Variants in ECE2 observed in about 807,000 individuals in gnomAD.
ECE2 encodes the protein endothelin converting enzyme 2, also known as endothelin-converting enzyme 2.
A neutral mutation model predicts 100.6 loss-of-function variants in ECE2; 81 were observed. The observed-to-expected ratio is 0.81, with a 90% CI of 0.67 to 0.97. The LOEUF is 0.97. Among genes scored for constraint, ECE2 ranks in the 50% least tolerant of loss-of-function variants. The pLI, the probability that ECE2 is intolerant of heterozygous loss-of-function variation, is 0.00. For synonymous variants in ECE2, 391 were observed against 391.5 expected (o/e 1.00, Z 0.02); for missense variants, 911 against 988.1 (o/e 0.92, Z 1.05).
At chr3:184,277,857 C>A in intron 4 of ECE2, 68 bp from the exon 5 acceptor site, 1 of 1,579,456 alleles carries the variant, frequency 6.3e-7, no homozygotes, top group South Asian at 1.2e-5. Flanking sequence ...AGAAACCGAG[C>A]AAGGGCCAGG....
At position 184,278,030 on chromosome 3, in the gene ECE2, T is replaced by C. The variant is rs1343941168; in HGVS notation, c.584T>C (p.Leu195Pro). The C allele has an allele frequency of 1.2e-6, 2 of 1,613,906 alleles. No homozygotes were observed. The highest frequency in any genetic ancestry group is 3.3e-5 in the Admixed American group (2 of 59,988). ...ATTGAGGAGCTGGGAGCCCAGCCAC[T>C]GAGAGACCTCATTGAGAAGGTAGGG... ...ERIEELGAQP[L>P]RDLIEKIGGW... Residue 195 changes from leucine (L) to proline (P), a missense_variant, in exon 5 of 19, where the codon CTG becomes CCG. Physicochemically the swap from Leu to Pro is moderately conservative, Grantham distance 98 (BLOSUM62 -3). Transcript: ENST00000404464.
rs945119791 is a variant in ECE2 at position 184,291,725 on chromosome 3, C to T, written c.2121+286C>T. The T allele has an allele frequency of 4.0e-5, 17 of 421,854 alleles. No individual in the cohort carries two copies. The highest frequency in any genetic ancestry group is 1.1e-4 in the African/African-American group (4 of 35,498). 26.1% of individuals were successfully genotyped at this position (421,854 alleles called of 1,614,324 possible). A position where few individuals can be genotyped will look rare whatever the true frequency, so the allele number is the denominator to read the frequency against. Reference sequence around the variant, plus strand: ...GGCACAGGGTGGCGAAGGGGGCAAACGTTCATCCTCACGCTGTTCCTGTGA... The same window carrying T: ...GGCACAGGGTGGCGAAGGGGGCAAATGTTCATCCTCACGCTGTTCCTGTGA... On this transcript the variant is annotated intron_variant, in intron 18 of 18. Transcript: ENST00000404464. The surrounding 1 kb of genome is among the most constrained non-coding windows in gnomAD (Gnocchi z 4.1).
chr3:184,276,029 A>C lies in ECE2; in HGVS notation c.-125A>C, dbSNP rs1720526041. 4.2e-5 allele frequency: 41 copies of C among 984,258 alleles called. No individual in the cohort carries two copies. Among genetic ancestry groups the C allele is most frequent in the Middle Eastern group, 4.4e-4 (1 of 2,256 alleles). 61.0% of individuals were successfully genotyped at this position (984,258 alleles called of 1,614,324 possible). A position where few individuals can be genotyped will look rare whatever the true frequency, so the allele number is the denominator to read the frequency against. ...GCGGGGGGGGGGGCGGCCGCGGCCG[A>C]GCGGGGGTGCTGCGCGGCGGCCGTG... On this transcript the variant is annotated 5_prime_UTR_variant, in exon 1 of 19. Transcript: ENST00000404464.
chr3:184,283,517 G>A (rs186919630), intron 7 of ECE2, among the ~76,000 whole-genome samples: 45 of 125,684 alleles, frequency 3.6e-4, no homozygotes, highest in African/African-American at 1.2e-3. Flanking sequence ...AGCCAAGATC[G>A]CGCCACTGCA....
At chr3:184,279,628 G>A (rs1005221185) in intron 7 of ECE2, among the ~76,000 whole-genome samples, 11 of 147,086 alleles carry the variant, frequency 7.5e-5, no homozygotes, top group African/African-American at 1.8e-4. Flanking sequence ...CTGCACTCCA[G>A]CCTGGGCAAC....
Position 184,276,179 on chromosome 3 carries a change from G to GAGCTGGC in ECE2, c.30_36dup (p.Asn13TrpfsTer15). ...ATGAACGTCGCGCTGCAGGAGCTGG[G>GAGCTGGC]AGCTGGCAGCAACGTGAGTGGGGGC... is the stretch of plus-strand genomic sequence containing the variant. On this transcript the variant is annotated frameshift_variant, in exon 1 of 19. Transcript: ENST00000404464. LOFTEE classifies it high-confidence loss of function. 1.4e-6 allele frequency: 2 copies of GAGCTGGC among 1,446,540 alleles called. No individual in the cohort carries two copies. The highest frequency in any genetic ancestry group is 1.8e-6 in the Non-Finnish European group (2 of 1,105,502). 89.6% of individuals were successfully genotyped at this position (1,446,540 alleles called of 1,614,324 possible).
rs2108418609 is a variant in ECE2, at chr3:184,278,429, C to T, written c.751-63C>T. The T allele has an allele frequency of 1.7e-5, 27 of 1,596,554 alleles. No homozygotes were observed. The South Asian group carries it at 2.6e-4, about 15-fold the overall frequency. On this transcript the variant is annotated intron_variant, in intron 6 of 18. Coordinates refer to ENST00000404464, the MANE Select transcript of ECE2 (RefSeq NM_001100121.2). ...CCCCGGCCCCACCCCTACCCCCGCT[C>T]GGGAATTCAGGTTCCCATGGTGGGG... is the stretch of plus-strand genomic sequence containing the variant.
chr3:184,278,337 G>T, intron 6 of ECE2, 24 bp downstream of exon 6: 1 of 1,611,770 alleles, frequency 6.2e-7, no homozygotes. Flanking sequence ...AAAGGGTGGG[G>T]AGAGACTTAG....
chr3:184,278,123 T>C, intron 5 of ECE2, 44 bp from the exon 6 acceptor site: 1 of 1,613,380 alleles, frequency 6.2e-7, no homozygotes, highest in Non-Finnish European at 8.5e-7. Context: ...AGGAACGCTT[T>C]GGGAGCTCCT....
rs1721373633 is a variant in ECE2, at chr3:184,292,404, T to C, written c.*166T>C. On this transcript the variant is annotated 3_prime_UTR_variant, in exon 19 of 19. Coordinates refer to ENST00000404464, the MANE Select transcript of ECE2 (RefSeq NM_001100121.2). ...CAGACCCTCCTCAATCACCACATTG[T>C]GCCTCTGCTTTGGGGGTGCCCCTGC... 2.7e-6 allele frequency: 2 copies of C among 751,550 alleles called. No homozygotes were observed. The highest frequency in any genetic ancestry group is 4.3e-6 in the Non-Finnish European group (2 of 468,120). The allele number at this position is 751,550 out of a possible 1,614,324, so 46.6% of individuals were successfully genotyped here. A position where few individuals can be genotyped will look rare whatever the true frequency, so the allele number is the denominator to read the frequency against.
chr3:184,285,405 T>G, intron 9 of ECE2, 73 bp from the exon 10 acceptor site: 1 of 1,221,176 alleles, frequency 8.2e-7, no homozygotes. Context: ...ACTTGCATGT[T>G]CCTGGGGGCT....
chr3:184,276,288 G>T (rs1336677027), intron 1 of ECE2, 96 bp downstream of exon 1: 3 of 1,413,908 alleles, frequency 2.1e-6, no homozygotes, highest in East Asian at 5.0e-5. Context: ...CCCGGCTCGC[G>T]GAGGTAAGGC....
Position 184,289,906 on chromosome 3 carries a change from A to G in ECE2, c.1551+188A>G, listed in dbSNP as rs1335786370. Reference sequence around the variant, plus strand: ...GCTGCAGGCCAAACAGCAGTGAAATATAGTGCTAACGAGCCAAGATTTGGA... The same window carrying G: ...GCTGCAGGCCAAACAGCAGTGAAATGTAGTGCTAACGAGCCAAGATTTGGA... On this transcript the variant is annotated intron_variant, in intron 13 of 18. Transcript: ENST00000404464. This position sits in a 1 kb window ranked among gnomAD's most constrained non-coding sequence, Gnocchi z 4.1. Among the ~76,000 whole-genome samples the G allele has an allele frequency of 6.6e-6, 1 of 152,220 alleles. No individual in the cohort carries two copies. The highest frequency in any genetic ancestry group is 2.4e-5 in the African/African-American group (1 of 41,460).
intron 11 of ECE2, among the ~76,000 whole-genome samples, chr3:184,288,638 G>T (rs1187535094): frequency 6.6e-6 from 1 of 152,098 alleles, no homozygotes; most frequent in South Asian, 2.1e-4. Context: ...TCCTTAAATG[G>T]CTGATATATC....
chr3:184,278,710 TCCTC>T (rs546931103), intron 7 of ECE2, 153 bp downstream of exon 7: 2 of 661,320 alleles, frequency 3.0e-6, no homozygotes, highest in Non-Finnish European at 4.9e-6. Context: ...CTTCTTTTCT[TCCTC>T]CCTCCCTCCC....
chr3:184,277,773 A>G, intron 4 of ECE2, 152 bp from the exon 5 acceptor site: 2 of 1,266,692 alleles, frequency 1.6e-6, no homozygotes, highest in African/African-American at 1.5e-5. Context: ...CAGGGAGAGG[A>G]AGCCACGGCT....
Position 184,291,578 on chromosome 3 carries a change from AG to A in ECE2, c.2121+141del. 1 of 865,528 alleles carries A rather than the reference AG, an allele frequency of 1.2e-6. No homozygotes were observed. Among genetic ancestry groups the A allele is most frequent in the Non-Finnish European group, 1.7e-6 (1 of 586,078 alleles). The allele number at this position is 865,528 out of a possible 1,614,324, so 53.6% of individuals were successfully genotyped here. A position where few individuals can be genotyped will look rare whatever the true frequency, so the allele number is the denominator to read the frequency against. On this transcript the variant is annotated intron_variant, in intron 18 of 18. Transcript: ENST00000404464. The surrounding 1 kb of genome is among the most constrained non-coding windows in gnomAD (Gnocchi z 4.1). ...CTGGGGCATGAAAGGTGGGCTGGGAAGGCCCATGCCCAGAGCCTCCGGCCAG... is the reference window on the plus strand; with the variant it reads ...CTGGGGCATGAAAGGTGGGCTGGGAAGCCCATGCCCAGAGCCTCCGGCCAG...
Position 184,287,891 on chromosome 3 carries a change from T to G in ECE2, c.1318T>G (p.Phe440Val). 1 of 1,614,196 alleles carries G rather than the reference T, an allele frequency of 6.2e-7. No homozygotes were observed. Among genetic ancestry groups the G allele is most frequent in the South Asian group, 1.1e-5 (1 of 91,084 alleles). ...CISNTDDALG[F>V]ALGSLFVKAT... ...CTCCAACACGGATGACGCCCTTGGC[T>G]TTGCTTTGGGGTCCCTCTTCGTGAA... Residue 440 changes from phenylalanine (F) to valine (V), a missense_variant, in exon 11 of 19, where the codon TTT becomes GTT. By Grantham distance (50) the Phe-to-Val change is conservative (BLOSUM62 -1). Coordinates refer to ENST00000404464, the MANE Select transcript of ECE2 (RefSeq NM_001100121.2).
chr3:184,289,640 G>A lies in ECE2; in HGVS notation c.1474-1G>A, dbSNP rs1443178858. 6.2e-7 allele frequency: 1 copy of A among 1,613,714 alleles called. No homozygotes were observed. The stretch of plus-strand genomic sequence containing the variant: ...ACAAACCCTTAACCTGGTCTCTTCA[G>A]GCAGATGCCATCTATGATATGATTG... On this transcript the variant is annotated splice_acceptor_variant, in intron 12 of 18. Transcript: ENST00000404464. LOFTEE classifies it high-confidence loss of function. The surrounding 1 kb of genome is among the most constrained non-coding windows in gnomAD (Gnocchi z 4.1).
Sources: gnomAD v4.1 joint callset for allele counts (sites outside exome capture counted in the v4.1 genomes callset) on GRCh38, gnomAD v4.1.1 for gene constraint, Gnocchi (gnomAD v3.1) non-coding constraint, MANE v1.5 for transcripts, NCBI Gene and HGNC (gene_info 2026-07-23, HGNC 2026-07-21) for gene names.